RAD51B: variants seen among roughly 807,000 people sequenced by gnomAD.
RAD51B encodes the protein DNA repair protein RAD51 homolog 2.
A neutral mutation model predicts 42.2 loss-of-function variants in RAD51B; 38 were observed. That is an observed-to-expected ratio of 0.90 (90% confidence interval 0.70 to 1.18). The LOEUF (loss-of-function observed/expected upper bound fraction) is 1.18. RAD51B is among the 50% of genes most tolerant of loss of function. The pLI, the probability that RAD51B is intolerant of heterozygous loss-of-function variation, is 0.00. For missense variants in RAD51B, 373 were observed against 400.7 expected (o/e 0.93, Z 0.59); for synonymous variants, 154 against 145.2 (o/e 1.06, Z -0.43).
At chr14:68,134,818 C>T (rs547670938) in intron 7 of RAD51B, among the ~76,000 whole-genome samples, 1 of 151,346 alleles carries the variant, frequency 6.6e-6, no homozygotes, top group East Asian at 1.9e-4. Flanking sequence ...TCTTCGCATT[C>T]TAGATACAAG....
At chr14:68,131,568 C>T (rs1452657259) in intron 7 of RAD51B, among the ~76,000 whole-genome samples, 1 of 152,200 alleles carries the variant, frequency 6.6e-6, no homozygotes, top group South Asian at 2.1e-4. Context: ...TGGTGTCATG[C>T]GTCTATAATC....
At chr14:68,658,452 C>T (rs1461206281) in intron 11 of RAD51B, among the ~76,000 whole-genome samples, 2 of 152,222 alleles carry the variant, frequency 1.3e-5, no homozygotes, top group African/African-American at 4.8e-5. Flanking sequence ...TGGCAAGTGC[C>T]AGGGCAGCCA....
chr14:67,864,881 C>A (rs1191414752), intron 4 of RAD51B, 122 bp from the exon 5 acceptor site: 6 of 1,381,820 alleles, frequency 4.3e-6, no homozygotes, highest in Non-Finnish European at 5.9e-6. Context: ...CTCCTGGGAA[C>A]CCAGGTTAGT....
chr14:68,518,629 G>A (rs571529263), intron 10 of RAD51B, among the ~76,000 whole-genome samples: 5 of 141,334 alleles, frequency 3.5e-5, no homozygotes, highest in Admixed American at 2.4e-4. Context: ...TCCTTCTCCA[G>A]GTCAGCAGGA....
intron 7 of RAD51B, among the ~76,000 whole-genome samples, chr14:68,154,303 A>G (rs2078453434): frequency 6.6e-6 from 1 of 152,204 alleles, no homozygotes; most frequent in Non-Finnish European, 1.5e-5. Context: ...TTTAAAGCTA[A>G]TCATTCCCCA....
intron 10 of RAD51B, chr14:68,541,308 A>C: frequency 1.0e-6 from 1 of 985,478 alleles, no homozygotes; most frequent in Non-Finnish European, 1.2e-6. Context: ...TAGGTGGCTA[A>C]GGAGAACTGG....
intron 4 of RAD51B, among the ~76,000 whole-genome samples, chr14:67,853,677 CTGAT>C (rs2041895432): frequency 1.3e-5 from 2 of 152,192 alleles, no homozygotes; most frequent in Admixed American, 1.3e-4. Context: ...GGTAAGGCAA[CTGAT>C]TGAATGAACT....
At chr14:67,864,691 TG>T (rs1222647294) in intron 4 of RAD51B, 65 of 459,876 alleles carry the variant, frequency 1.4e-4, no homozygotes, top group African/African-American at 1.0e-3. Flanking sequence ...ATGGTATAAA[TG>T]AGTGAATGTT....
intron 9 of RAD51B, among the ~76,000 whole-genome samples, chr14:68,417,975 G>A (rs373242624): frequency 7.2e-5 from 11 of 152,150 alleles, no homozygotes; most frequent in East Asian, 1.9e-4. Flanking sequence ...ACGATAGACC[G>A]TGTACCTTTG....
downstream of RAD51B, chr14:68,478,223 G>C: frequency 1.0e-6 from 1 of 971,102 alleles, no homozygotes; most frequent in Non-Finnish European, 1.2e-6. Flanking sequence ...GAGGGAGGTC[G>C]ATGGGCTCAG....
At chr14:68,222,055 A>T (rs1259310939) in intron 7 of RAD51B, among the ~76,000 whole-genome samples, 1 of 152,240 alleles carries the variant, frequency 6.6e-6, no homozygotes, top group Non-Finnish European at 1.5e-5. Flanking sequence ...GTTGGCATGG[A>T]TGCGGTGAAA....
At chr14:67,839,432 T>A (rs1437478171) in intron 4 of RAD51B, among the ~76,000 whole-genome samples, 1 of 152,102 alleles carries the variant, frequency 6.6e-6, no homozygotes, top group Non-Finnish European at 1.5e-5. Flanking sequence ...AATTTGTCCA[T>A]TTTCTTTATG....
intron 7 of RAD51B, among the ~76,000 whole-genome samples, chr14:68,256,086 A>G (rs1690051983): frequency 6.6e-6 from 1 of 152,222 alleles, no homozygotes; most frequent in African/African-American, 2.4e-5. Context: ...GGTCAGTGGA[A>G]GAAATATGTG....
At chr14:68,650,698 A>T (rs2140138339) in intron 10 of RAD51B, 1 of 684,504 alleles carries the variant, frequency 1.5e-6, no homozygotes, top group African/African-American at 1.8e-5. Flanking sequence ...ATGGCCTATC[A>T]CCCTTTAAGA....
At chr14:67,996,108 G>A (rs1384622745) in intron 7 of RAD51B, among the ~76,000 whole-genome samples, 3 of 151,776 alleles carry the variant, frequency 2.0e-5, no homozygotes, top group African/African-American at 7.3e-5. Context: ...TGGTAATGGT[G>A]GTCCAGGCTT....
At position 68,674,882 on chromosome 14, in the gene RAD51B, C is replaced by T. The variant is rs187930895; in HGVS notation, c.*11+24026C>T. On this transcript the variant is annotated intron_variant, in intron 11 of 11. Transcript: ENST00000488612. ...ACCCACTTCTCCCTGTGGAAGGGGA[C>T]GCCACCTGGACGATGGGCCGCTGCT... is the stretch of plus-strand genomic sequence containing the variant. Among the ~76,000 whole-genome samples the T allele has an allele frequency of 3.9e-5, 6 of 152,276 alleles. No individual in the cohort carries two copies. The East Asian group carries it at 5.8e-4, about 15-fold the overall frequency.
chr14:68,369,831 A>G (rs1283521247), intron 8 of RAD51B, among the ~76,000 whole-genome samples: 1 of 152,166 alleles, frequency 6.6e-6, no homozygotes, highest in Non-Finnish European at 1.5e-5. Flanking sequence ...GCTACATACT[A>G]TATATCTATA....
Position 68,562,828 on chromosome 14 carries a change from G to T in RAD51B, c.1037-31657G>T, listed in dbSNP as rs1294461905. On this transcript the variant is annotated intron_variant, in intron 10 of 10. Transcript: ENST00000487270. ...GACATCACAAGGTAAGTATTCCAAG[G>T]CCAGAGAAGTGAAAATGTTCACAGC... 3.0e-6 allele frequency: 3 copies of T among 985,266 alleles called. No homozygotes were observed. The South Asian group carries it at 1.4e-4, about 46-fold the overall frequency. 61.0% of individuals were successfully genotyped at this position (985,266 alleles called of 1,614,324 possible). A position where few individuals can be genotyped will look rare whatever the true frequency, so the allele number is the denominator to read the frequency against.
intron 7 of RAD51B, among the ~76,000 whole-genome samples, chr14:68,118,746 G>T (rs1007436469): frequency 6.6e-6 from 1 of 152,036 alleles, no homozygotes; most frequent in Non-Finnish European, 1.5e-5. Flanking sequence ...TTTCTCATTT[G>T]ATTTGATCCT....
Sources: allele counts gnomAD v4.1 joint callset (sites outside exome capture counted in the v4.1 genomes callset), GRCh38; gene constraint gnomAD v4.1.1; transcripts MANE v1.5; gene names NCBI Gene and HGNC (gene_info 2026-07-23, HGNC 2026-07-21).